The following RGS6 variants were observed in gnomAD, a reference collection of about 807,000 sequenced individuals.
RGS6 encodes regulator of G protein signaling 6.
A neutral mutation model predicts 78.5 loss-of-function variants in RGS6; 30 were observed. The ratio of observed to expected loss-of-function variants is 0.38; its 90% CI spans 0.29 to 0.52. RGS6 has a LOEUF of 0.52. Among genes scored for constraint, RGS6 ranks in the 20% least tolerant of loss-of-function variants. The pLI is 0.85. For missense variants in RGS6, 495 were observed against 609.7 expected (o/e 0.81, Z 1.98); for synonymous variants, 206 against 206.0 (o/e 1.00, Z 0.00).
At chr14:72,186,851 T>C (rs1002673006) in intron 2 of RGS6, among the ~76,000 whole-genome samples, 1 of 152,190 alleles carries the variant, frequency 6.6e-6, no homozygotes, top group Non-Finnish European at 1.5e-5. Context: ...TAGGATCTGA[T>C]TGCATAAATG....
intron 2 of RGS6, among the ~76,000 whole-genome samples, chr14:71,975,076 C>G (rs1022593238): frequency 2.6e-5 from 4 of 152,184 alleles, no homozygotes; most frequent in Non-Finnish European, 4.4e-5. Context: ...ATCACTTGAG[C>G]CTGGGAGGTC....
At chr14:72,590,918 A>C in the RGS6 span, among the ~76,000 whole-genome samples, 1 of 152,266 alleles carries the variant, frequency 6.6e-6, no homozygotes, top group Non-Finnish European at 1.5e-5. Context: ...ATTGCTTTTC[A>C]TCCTAACCCC....
chr14:71,868,643 A>C, the RGS6 span, among the ~76,000 whole-genome samples: 7 of 152,196 alleles, frequency 4.6e-5, no homozygotes, highest in Admixed American at 2.0e-4. Context: ...TGTGTTAAAT[A>C]CCTTTAGTGA....
At chr14:72,474,929 C>A (rs1368418613) in intron 10 of RGS6, among the ~76,000 whole-genome samples, 1 of 151,648 alleles carries the variant, frequency 6.6e-6, no homozygotes, top group East Asian at 1.9e-4. Flanking sequence ...GTAAAACAAG[C>A]CAACAGGCAA....
chr14:72,116,834 G>A (rs959171807), intron 2 of RGS6, among the ~76,000 whole-genome samples: 2 of 151,702 alleles, frequency 1.3e-5, no homozygotes, highest in African/African-American at 4.8e-5. Flanking sequence ...CTTCATGGTG[G>A]GCACCTGTCA....
the RGS6 span, among the ~76,000 whole-genome samples, chr14:71,905,401 G>T: frequency 1.3e-5 from 2 of 152,180 alleles, no homozygotes; most frequent in Admixed American, 6.5e-5. Context: ...AAGGGACATA[G>T]AATTACTAAA....
intron 2 of RGS6, among the ~76,000 whole-genome samples, chr14:71,974,421 C>T (rs2093997702): frequency 6.6e-6 from 1 of 152,148 alleles, no homozygotes; most frequent in Non-Finnish European, 1.5e-5. Flanking sequence ...CATACACCCA[C>T]TCCAAAAGAA....
intron 3 of RGS6, among the ~76,000 whole-genome samples, chr14:72,355,319 G>T (rs976844952): frequency 4.0e-5 from 6 of 151,580 alleles, no homozygotes; most frequent in African/African-American, 1.2e-4. Context: ...TCAGCCTCCT[G>T]AGTAGCTGGG....
rs548516595 is a variant in RGS6, at chr14:72,498,560, A to AT, written c.965+3307dup. ...GAACATTGTTTTTTAATCTCCCCAC[A>AT]TTTTTTTTTAAATCTCCCTTTTTAA... On this transcript the variant is annotated intron_variant, in intron 13 of 17. Transcript: ENST00000553525. Among the ~76,000 whole-genome samples the AT allele has an allele frequency of 6.6e-3, 1,004 of 151,510 alleles. 5 individuals carry two copies. The highest frequency in any genetic ancestry group is 8.1e-3 in the Non-Finnish European group (549 of 67,794).
intron 2 of RGS6, among the ~76,000 whole-genome samples, chr14:71,982,388 A>G (rs1455388134): frequency 6.6e-6 from 1 of 152,228 alleles, no homozygotes; most frequent in South Asian, 2.1e-4. Flanking sequence ...CTCTAGGACA[A>G]TGTTACGTTA....
At chr14:72,190,306 G>C (rs932427444) in intron 2 of RGS6, among the ~76,000 whole-genome samples, 2 of 152,240 alleles carry the variant, frequency 1.3e-5, no homozygotes, top group African/African-American at 4.8e-5. Flanking sequence ...TCAGCATCCA[G>C]TCATGCTTAT....
intron 2 of RGS6, among the ~76,000 whole-genome samples, chr14:72,038,208 A>G (rs11158934): frequency 0.13 from 19,777 of 152,020 alleles, 1,341 homozygotes; most frequent in East Asian, 0.17. Context: ...GGCCTCAATC[A>G]ATCCGCCTGC....
chr14:72,228,443 C>A (rs1473421782), intron 2 of RGS6, among the ~76,000 whole-genome samples: 1 of 152,070 alleles, frequency 6.6e-6, no homozygotes, highest in Admixed American at 6.6e-5. Flanking sequence ...TTAACAAATA[C>A]GTTCATCATC....
intron 2 of RGS6, among the ~76,000 whole-genome samples, chr14:72,003,642 C>T (rs1230857479): frequency 6.6e-6 from 1 of 151,986 alleles, no homozygotes; most frequent in African/African-American, 2.4e-5. Context: ...AGGTTAGGTT[C>T]CTCCAGAAAG....
At chr14:72,032,761 T>C (rs1361679021) in intron 2 of RGS6, among the ~76,000 whole-genome samples, 1 of 152,214 alleles carries the variant, frequency 6.6e-6, no homozygotes, top group Non-Finnish European at 1.5e-5. Context: ...AAGGTTCATC[T>C]ATATTGTAGC....
At chr14:72,238,879 G>T in intron 2 of RGS6, among the ~76,000 whole-genome samples, 1 of 152,122 alleles carries the variant, frequency 6.6e-6, no homozygotes, top group Non-Finnish European at 1.5e-5. Flanking sequence ...GTAAACTCAA[G>T]TTGTCCCCCA....
At chr14:72,116,828 A>C (rs981833301) in intron 2 of RGS6, among the ~76,000 whole-genome samples, 1 of 151,810 alleles carries the variant, frequency 6.6e-6, no homozygotes, top group African/African-American at 2.4e-5. Flanking sequence ...ACCAGGCTTC[A>C]TGGTGGGCAC....
chr14:72,102,274 T>C (rs927171000), intron 2 of RGS6, among the ~76,000 whole-genome samples: 5 of 152,168 alleles, frequency 3.3e-5, no homozygotes, highest in African/African-American at 9.7e-5. Context: ...CCTATGTATG[T>C]TTTTTTCTCG....
Position 72,406,990 on chromosome 14 carries a change from C to A in RGS6, c.185-47538C>A, listed in dbSNP as rs553324818. On this transcript the variant is annotated intron_variant, in intron 3 of 17. Transcript: ENST00000553525. ...TTAACTCAGACTTTATGAAAATAAC[C>A]GGTGAGAATAACCAAAGCCACATTG... 2.6e-5 allele frequency among the ~76,000 whole-genome samples: 4 copies of A among 152,198 alleles called. No homozygotes were observed. In the East Asian group the frequency reaches 7.7e-4, roughly 29 times the overall value.
Sources: gnomAD v4.1 joint callset for allele counts (sites outside exome capture counted in the v4.1 genomes callset) on GRCh38, gnomAD v4.1.1 for gene constraint, MANE v1.5 for transcripts, NCBI Gene and HGNC (gene_info 2026-07-23, HGNC 2026-07-21) for gene names.